Variants in FNDC1 observed in about 807,000 individuals in gnomAD.
The protein encoded by FNDC1 is fibronectin type III domain containing 1.
In FNDC1, 96 loss-of-function variants were observed where a neutral mutation model predicts 168.0. The observed-to-expected ratio is 0.57, with a 90% confidence interval of 0.48 to 0.68. The LOEUF is 0.68. FNDC1 is among the 30% of genes least tolerant of loss of function. The pLI is 0.00. For synonymous variants in FNDC1, 1,099 were observed against 1,025.9 expected (o/e 1.07, Z -1.36); for missense variants, 2,587 against 2,482.1 (o/e 1.04, Z -0.90).
chr6:159,231,963 C>T lies in FNDC1; in HGVS notation c.1451C>T (p.Ala484Val). 1 of 1,613,996 alleles carries T rather than the reference C, an allele frequency of 6.2e-7. No individual in the cohort carries two copies. Among genetic ancestry groups the T allele is most frequent in the Non-Finnish European group, 8.5e-7 (1 of 1,179,890 alleles). Residue 484 changes from alanine (A) to valine (V), a missense_variant, in exon 11 of 23, where the codon GCT (alanine) becomes GTT (valine). Coordinates refer to ENST00000297267, the MANE Select transcript of FNDC1 (RefSeq NM_032532.3). ...KPEPSSPSPR[A>V]PASSQHPSVP... is the part of the protein sequence containing the mutation. ...GAGCCTTCCTCACCTTCTCCCAGAG[C>T]TCCAGCTTCCTCCCAACACCCCTCT...
intron 9 of FNDC1, among the ~76,000 whole-genome samples, chr6:159,229,192 T>C (rs1388149280): frequency 6.6e-6 from 1 of 152,256 alleles, no homozygotes; most frequent in Non-Finnish European, 1.5e-5. Context: ...AGCAAGCCAA[T>C]TAAAGATGGA....
chr6:159,177,821 C>T (rs112563614), intron 1 of FNDC1, among the ~76,000 whole-genome samples: 149 of 152,216 alleles, frequency 9.8e-4, no homozygotes, highest in African/African-American at 3.3e-3. Context: ...AGTGGAGTGT[C>T]GTGGGGTGCT....
At chr6:159,203,072 A>G (rs756215208) in intron 4 of FNDC1, among the ~76,000 whole-genome samples, 1 of 152,154 alleles carries the variant, frequency 6.6e-6, no homozygotes, top group South Asian at 2.1e-4. Context: ...CATCCTTGGT[A>G]TCTGTGTGTC....
rs60959959 is a variant in FNDC1 at position 159,269,510 on chromosome 6, C to G, written c.5569+1584C>G. Among the ~76,000 whole-genome samples, 1,199 of 123,922 alleles carry G rather than the reference C, an allele frequency of 9.7e-3. 7 individuals carry two copies. The highest frequency in any genetic ancestry group is 0.024 in the African/African-American group (764 of 31,208). The allele number at this position is 123,922 out of a possible 152,430, so 81.3% of individuals were successfully genotyped here. A position where few individuals can be genotyped will look rare whatever the true frequency, so the allele number is the denominator to read the frequency against. ...TCTATCTATCTATCTATCCATCCAT[C>G]CATGCATCCATCCATCCATCCATCC... On this transcript the variant is annotated intron_variant, in intron 22 of 22. Transcript: ENST00000297267.
intron 14 of FNDC1, among the ~76,000 whole-genome samples, chr6:159,246,593 G>A (rs1045302424): frequency 6.6e-6 from 1 of 152,218 alleles, no homozygotes; most frequent in African/African-American, 2.4e-5. Flanking sequence ...AGTGGGCTGA[G>A]GTGGTGGGAG....
At position 159,232,323 on chromosome 6, in the gene FNDC1, T is replaced by TGGCCACGC; in HGVS notation, c.1812_1819dup (p.Gln607ArgfsTer36). ...GGCGTAGATAAGCCTGGCTTTTCCC[T>TGGCCACGC]GGCCACGCAGCCCCGCCCAGGGGCG... is the stretch of plus-strand genomic sequence containing the variant. On this transcript the variant is annotated frameshift_variant, in exon 11 of 23. Coordinates refer to ENST00000297267, the MANE Select transcript of FNDC1 (RefSeq NM_032532.3). LOFTEE classifies it high-confidence loss of function. This position sits in a 1 kb window ranked among gnomAD's most constrained non-coding sequence, Gnocchi z 4.9. 1 of 1,613,206 alleles carries TGGCCACGC rather than the reference T, an allele frequency of 6.2e-7. No homozygotes were observed. The highest frequency in any genetic ancestry group is 8.5e-7 in the Non-Finnish European group (1 of 1,179,616).
In FNDC1 at chr6:159,238,542, T is replaced by C; in HGVS notation, c.4069-12T>C. ...TGTCCAATATATTCTTTAATCTATG[T>C]CATGGATTTAGGTTGTGGACCTTGA... On this transcript the variant is annotated splice_polypyrimidine_tract_variant and intron_variant, in intron 12 of 22. Transcript: ENST00000297267. 3.2e-6 allele frequency: 5 copies of C among 1,564,888 alleles called. No homozygotes were observed. Among genetic ancestry groups the C allele is most frequent in the Non-Finnish European group, 4.4e-6 (5 of 1,140,644 alleles).
Position 159,197,461 on chromosome 6 carries a change from A to C in FNDC1, c.140A>C (p.Lys47Thr). The change falls in exon 2 of 23, where the codon AAA becomes ACA. Residue 47 changes from lysine (K) to threonine (T), a missense_variant. Coordinates refer to ENST00000297267, the MANE Select transcript of FNDC1 (RefSeq NM_032532.3). ...VDHPLKPRHV[K>T]LLSTKMGLKV... is the part of the protein sequence containing the mutation. The stretch of plus-strand genomic sequence containing the variant: ...CACCCACTGAAGCCAAGGCATGTGA[A>C]ACTGCTGTCCACTAAAATGGGCCTG... 6.2e-7 allele frequency: 1 copy of C among 1,613,658 alleles called. No individual in the cohort carries two copies. The highest frequency in any genetic ancestry group is 1.1e-5 in the South Asian group (1 of 90,976).
intron 20 of FNDC1, 50 bp downstream of exon 20, chr6:159,265,054 A>C: frequency 6.8e-7 from 1 of 1,468,118 alleles, no homozygotes; most frequent in Non-Finnish European, 9.4e-7. Flanking sequence ...CAAGTTGAAT[A>C]TTGAATATGA....
At chr6:159,252,206 T>C (rs1777282644) in intron 17 of FNDC1, among the ~76,000 whole-genome samples, 1 of 151,938 alleles carries the variant, frequency 6.6e-6, no homozygotes, top group South Asian at 2.1e-4. Flanking sequence ...TGATATTTTC[T>C]GTGAATAATT....
At chr6:159,209,678 T>C (rs1439672731) in intron 4 of FNDC1, among the ~76,000 whole-genome samples, 1 of 152,242 alleles carries the variant, frequency 6.6e-6, no homozygotes, top group Non-Finnish European at 1.5e-5. Flanking sequence ...CTGGTTTGTC[T>C]TGAAAGTTAG....
chr6:159,178,383 GTCTCCC>G (rs1438402592), intron 1 of FNDC1, among the ~76,000 whole-genome samples: 1 of 152,122 alleles, frequency 6.6e-6, no homozygotes, highest in Admixed American at 6.5e-5. Flanking sequence ...TTCTCTTGGA[GTCTCCC>G]TCTCTGTTGT....
At chr6:159,260,715 A>G (rs751360234) in intron 18 of FNDC1, among the ~76,000 whole-genome samples, 2 of 152,182 alleles carry the variant, frequency 1.3e-5, no homozygotes, top group Non-Finnish European at 2.9e-5. Context: ...GCTCTTTTGC[A>G]TGGACTCCAG....
intron 10 of FNDC1, among the ~76,000 whole-genome samples, chr6:159,231,497 C>G (rs922270611): frequency 1.3e-5 from 2 of 152,158 alleles, no homozygotes; most frequent in Non-Finnish European, 2.9e-5. Context: ...TTAAGGACAG[C>G]TATAATGCAT....
At chr6:159,229,787 C>T in intron 9 of FNDC1, 28 bp from the exon 10 acceptor site, 3 of 1,593,990 alleles carry the variant, frequency 1.9e-6, no homozygotes, top group African/African-American at 1.3e-5. Context: ...CAGTTTCCTC[C>T]TTCCAACCAT....
At chr6:159,260,601 C>T (rs1277436933) in intron 18 of FNDC1, among the ~76,000 whole-genome samples, 1 of 152,208 alleles carries the variant, frequency 6.6e-6, no homozygotes. Flanking sequence ...TCAATGCACC[C>T]AATATACCAT....
intron 5 of FNDC1, 30 bp downstream of exon 5, chr6:159,215,181 T>C: frequency 8.9e-6 from 14 of 1,579,692 alleles, no homozygotes; most frequent in Non-Finnish European, 1.2e-5. Flanking sequence ...GTATTCAATG[T>C]TTCCATGGTC....
At chr6:159,196,425 A>G (rs1782241636) in intron 1 of FNDC1, among the ~76,000 whole-genome samples, 1 of 152,192 alleles carries the variant, frequency 6.6e-6, no homozygotes, top group Non-Finnish European at 1.5e-5. Flanking sequence ...ATCTATGTTT[A>G]TTCTGTTCAG....
intron 16 of FNDC1, among the ~76,000 whole-genome samples, 190 bp downstream of exon 16, chr6:159,249,372 A>G (rs1777208613): frequency 6.6e-6 from 1 of 152,248 alleles, no homozygotes; most frequent in Non-Finnish European, 1.5e-5. Flanking sequence ...TTCTGCCAAA[A>G]TCAGAAGAGG....
Sources: allele counts gnomAD v4.1 joint callset (sites outside exome capture counted in the v4.1 genomes callset), GRCh38; gene constraint gnomAD v4.1.1; non-coding constraint Gnocchi (gnomAD v3.1); transcripts MANE v1.5; gene names NCBI Gene and HGNC (gene_info 2026-07-23, HGNC 2026-07-21).